ZMYND8: variants seen among roughly 807,000 people sequenced by gnomAD.
The protein encoded by ZMYND8 is MYND-type zinc finger-containing chromatin reader ZMYND8.
Under a neutral mutation model 140.8 loss-of-function variants are expected in ZMYND8, and 37 were observed. That is an observed-to-expected ratio of 0.26 (90% CI 0.20 to 0.35). The LOEUF (loss-of-function observed/expected upper bound fraction) is 0.35, where lower values mean the gene tolerates loss of function less well. Among genes scored for constraint, ZMYND8 ranks in the 10% least tolerant of loss-of-function variants. The probability of loss-of-function intolerance (pLI) is 1.00; values close to 1 mark genes in which losing one functional copy is unlikely to be tolerated. For missense variants in ZMYND8, 1,068 were observed against 1,570.0 expected (o/e 0.68, Z 5.40); for synonymous variants, 592 against 597.1 (o/e 0.99, Z 0.12).
At chr20:47,304,087 T>C (rs906562558) in intron 3 of ZMYND8, among the ~76,000 whole-genome samples, 10 of 152,204 alleles carry the variant, frequency 6.6e-5, no homozygotes, top group African/African-American at 2.2e-4. Flanking sequence ...TTCTGAGATA[T>C]GATTTTTCTC....
chr20:47,340,517 G>A (rs1487902893), intron 2 of ZMYND8, among the ~76,000 whole-genome samples: 1 of 151,996 alleles, frequency 6.6e-6, no homozygotes, highest in African/African-American at 2.4e-5. Flanking sequence ...AAAGGCCGGA[G>A]GCGTGGTGGC....
At chr20:47,277,919 C>T (rs965872220) in intron 10 of ZMYND8, among the ~76,000 whole-genome samples, 3 of 152,102 alleles carry the variant, frequency 2.0e-5, no homozygotes, top group Non-Finnish European at 4.4e-5. Flanking sequence ...GATCCACCCA[C>T]CTCAGCCTCC....
At chr20:47,244,045 T>C (rs1426852075) in intron 14 of ZMYND8, among the ~76,000 whole-genome samples, 1 of 152,204 alleles carries the variant, frequency 6.6e-6, no homozygotes, top group Non-Finnish European at 1.5e-5. Flanking sequence ...GACATTCTCT[T>C]TAGCTGAACT....
intron 8 of ZMYND8, chr20:47,285,872 G>A (rs927909412): frequency 3.1e-6 from 3 of 972,452 alleles, no homozygotes; most frequent in Non-Finnish European, 3.7e-6. Context: ...TGAGAAAGCA[G>A]TTTATAAAAC....
chr20:47,326,059 G>A (rs1483288857), intron 2 of ZMYND8, among the ~76,000 whole-genome samples: 2 of 152,210 alleles, frequency 1.3e-5, no homozygotes, highest in Non-Finnish European at 2.9e-5. Context: ...CCAAGTTCAA[G>A]CAATTCTCCT....
At chr20:47,275,987 C>A (rs1310251027) in intron 11 of ZMYND8, among the ~76,000 whole-genome samples, 3 of 152,140 alleles carry the variant, frequency 2.0e-5, no homozygotes, top group African/African-American at 7.2e-5. Context: ...CAGAAAAATA[C>A]AATTTCAACT....
At chr20:47,337,223 G>C (rs932174348) in intron 2 of ZMYND8, among the ~76,000 whole-genome samples, 3 of 151,932 alleles carry the variant, frequency 2.0e-5, no homozygotes, top group African/African-American at 7.3e-5. Flanking sequence ...GTGGTGGCAG[G>C]CGCCTGTAAC....
intron 8 of ZMYND8, among the ~76,000 whole-genome samples, chr20:47,285,147 A>G (rs1466452671): frequency 3.3e-5 from 5 of 152,244 alleles, no homozygotes; most frequent in African/African-American, 1.2e-4. Flanking sequence ...TTACAGCAAC[A>G]AAGTGGCATG....
intron 12 of ZMYND8, among the ~76,000 whole-genome samples, chr20:47,252,298 A>G (rs2074255768): frequency 6.7e-6 from 1 of 148,490 alleles, no homozygotes. Context: ...TCTCAAAAAA[A>G]AAAAAAAAAA....
chr20:47,273,940 G>A (rs2076107737), intron 11 of ZMYND8, among the ~76,000 whole-genome samples: 1 of 152,154 alleles, frequency 6.6e-6, no homozygotes, highest in South Asian at 2.1e-4. Context: ...ACTACACATT[G>A]GCTAATTCAT....
At chr20:47,253,039 CT>C (rs1425455123) in intron 12 of ZMYND8, among the ~76,000 whole-genome samples, 2 of 152,216 alleles carry the variant, frequency 1.3e-5, no homozygotes, top group Non-Finnish European at 2.9e-5. Context: ...TTCCAGTAAA[CT>C]TTATTTGCAA....
chr20:47,249,245 C>A (rs1254902158), intron 13 of ZMYND8, 42 bp downstream of exon 13: 31 of 1,600,770 alleles, frequency 1.9e-5, no homozygotes, highest in Non-Finnish European at 2.6e-5. Flanking sequence ...GTAATGATAA[C>A]AATGATACTG....
chr20:47,300,930 GTGTGTT>G (rs2077990856), intron 3 of ZMYND8, among the ~76,000 whole-genome samples: 1 of 141,418 alleles, frequency 7.1e-6, no homozygotes, highest in Non-Finnish European at 1.5e-5. Flanking sequence ...GTGTGTGTGT[GTGTGTT>G]TTGTTTTGTT....
At position 47,249,236 on chromosome 20, in the gene ZMYND8, T is replaced by C. The variant is rs769901269; in HGVS notation, c.1774+51A>G. 15 of 1,588,324 alleles carry C rather than the reference T, an allele frequency of 9.4e-6. 1 individual carries two copies. The South Asian group carries it at 1.7e-4, about 18-fold the overall frequency. ...TTCATCCAGGTGGTATCCCTACCAG[T>C]AATGATAACAATGATACTGCTGGAA... On this transcript the variant is annotated intron_variant, in intron 13 of 22. Transcript: ENST00000471951.
intron 11 of ZMYND8, among the ~76,000 whole-genome samples, chr20:47,272,276 A>G (rs2147741874): frequency 6.6e-6 from 1 of 151,686 alleles, no homozygotes; most frequent in East Asian, 2.0e-4. Context: ...ACGGGGTTTC[A>G]CCGTGTTAGC....
intron 2 of ZMYND8, among the ~76,000 whole-genome samples, chr20:47,313,296 A>G (rs1356584092): frequency 1.3e-5 from 2 of 152,058 alleles, no homozygotes; most frequent in Non-Finnish European, 2.9e-5. Context: ...CCTGGGCAAC[A>G]TGGTGAAACC....
intron 12 of ZMYND8, among the ~76,000 whole-genome samples, chr20:47,254,059 G>C (rs1245268015): frequency 1.3e-5 from 2 of 152,218 alleles, no homozygotes; most frequent in Admixed American, 6.5e-5. Flanking sequence ...TCCGCAGAGA[G>C]AAAACAGCTT....
At chr20:47,334,605 A>AAAAAAT (rs773739583) in intron 2 of ZMYND8, among the ~76,000 whole-genome samples, 27 of 141,716 alleles carry the variant, frequency 1.9e-4, no homozygotes, top group African/African-American at 6.3e-4. Flanking sequence ...GAAAAAAAAA[A>AAAAAAT]ATATATATAT....
chr20:47,240,565 T>C (rs2039836873), intron 14 of ZMYND8, among the ~76,000 whole-genome samples: 1 of 151,902 alleles, frequency 6.6e-6, no homozygotes, highest in African/African-American at 2.4e-5. Flanking sequence ...TTATTTTATT[T>C]ATTTATTGAG....
Sources: allele counts gnomAD v4.1 joint callset (sites outside exome capture counted in the v4.1 genomes callset), GRCh38; gene constraint gnomAD v4.1.1; transcripts MANE v1.5; gene names NCBI Gene and HGNC (gene_info 2026-07-23, HGNC 2026-07-21).